Variants in FBXO42 observed in about 807,000 individuals in gnomAD.
FBXO42 encodes F-box only protein 42.
FBXO42 carries 12 observed loss-of-function variants against 71.7 expected under a neutral mutation model. The observed-to-expected ratio is 0.17, with a 90% CI of 0.11 to 0.27. The LOEUF is 0.27. Among genes scored for constraint, FBXO42 ranks in the 10% least tolerant of loss-of-function variants. The probability of loss-of-function intolerance (pLI) is 1.00; values close to 1 mark genes in which losing one functional copy is unlikely to be tolerated. For synonymous variants in FBXO42, 325 were observed against 327.5 expected (o/e 0.99, Z 0.08); for missense variants, 707 against 911.9 (o/e 0.78, Z 2.89).
rs2082712027 is a variant in FBXO42 at position 16,352,435 on chromosome 1, C to G, written c.-198G>C. The G allele has an allele frequency of 5.0e-6, 2 of 398,748 alleles. No homozygotes were observed. The highest frequency in any genetic ancestry group is 8.8e-6 in the Non-Finnish European group (2 of 226,542). 24.7% of individuals were successfully genotyped at this position (398,748 alleles called of 1,614,324 possible). A position where few individuals can be genotyped will look rare whatever the true frequency, so the allele number is the denominator to read the frequency against. ...GCCATCTTCCTCCACTCAAACGCCG[C>G]CGCCGCCGCAGCTGCTGCTGCTCAG... On this transcript the variant is annotated 5_prime_UTR_variant, in exon 1 of 10. Transcript: ENST00000375592.
intron 1 of FBXO42, among the ~76,000 whole-genome samples, chr1:16,317,891 C>G (rs2082382099): frequency 6.6e-6 from 1 of 151,542 alleles, no homozygotes; most frequent in South Asian, 2.1e-4. Flanking sequence ...TGGACTCCAG[C>G]CTGGGCAACC....
rs200383567 is a variant in FBXO42 at position 16,319,578 on chromosome 1, G to A, written c.-17-4143C>T. Reference sequence around the variant, plus strand: ...CAATTCCCTTCATTCCCCAAAAGCAGAGAAGAGTATTATAATGGGTTTCCT... The same window carrying A: ...CAATTCCCTTCATTCCCCAAAAGCAAAGAAGAGTATTATAATGGGTTTCCT... On this transcript the variant is annotated intron_variant, in intron 1 of 9. Transcript: ENST00000375592. Among the ~76,000 whole-genome samples, 5 of 152,138 alleles carry A rather than the reference G, an allele frequency of 3.3e-5. No homozygotes were observed. The East Asian group carries it at 9.6e-4, about 29-fold the overall frequency.
chr1:16,304,040 G>A (rs1443206476), intron 3 of FBXO42, among the ~76,000 whole-genome samples: 1 of 152,056 alleles, frequency 6.6e-6, no homozygotes, highest in African/African-American at 2.4e-5. Flanking sequence ...CCTGACCTCA[G>A]GTGATCCGCC....
At chr1:16,317,072 G>C (rs1443062432) in intron 1 of FBXO42, among the ~76,000 whole-genome samples, 1 of 152,112 alleles carries the variant, frequency 6.6e-6, no homozygotes, top group Non-Finnish European at 1.5e-5. Context: ...CCTGAGGTCA[G>C]GAGTTCAAAA....
intron 4 of FBXO42, among the ~76,000 whole-genome samples, chr1:16,263,060 A>G (rs953434731): frequency 6.6e-6 from 1 of 152,190 alleles, no homozygotes; most frequent in Non-Finnish European, 1.5e-5. Flanking sequence ...GAGTTCTGGA[A>G]AACAAACAAT....
chr1:16,253,839 T>A (rs1025276164), intron 6 of FBXO42, 108 bp from the exon 7 acceptor site: 1 of 908,108 alleles, frequency 1.1e-6, no homozygotes. Context: ...CTTGCACCAT[T>A]TTCACTTTCA....
chr1:16,323,214 T>C (rs548385449), intron 1 of FBXO42, among the ~76,000 whole-genome samples: 5 of 151,334 alleles, frequency 3.3e-5, no homozygotes, highest in South Asian at 2.1e-4. Context: ...GTCAGGAGTT[T>C]GAGACCAGCC....
At chr1:16,344,085 C>T (rs937688255) in intron 1 of FBXO42, among the ~76,000 whole-genome samples, 4 of 151,784 alleles carry the variant, frequency 2.6e-5, no homozygotes, top group African/African-American at 9.7e-5. Context: ...GCAACCTCCA[C>T]CTCCCAGGTT....
At chr1:16,342,907 A>C (rs968075887) in intron 1 of FBXO42, among the ~76,000 whole-genome samples, 1 of 151,996 alleles carries the variant, frequency 6.6e-6, no homozygotes, top group Admixed American at 6.6e-5. Flanking sequence ...GCCATCCCCA[A>C]CGTTTCCCCT....
chr1:16,320,661 A>AT (rs534488238), intron 1 of FBXO42, among the ~76,000 whole-genome samples: 29,347 of 144,518 alleles, frequency 0.2, 3,120 homozygotes, highest in Non-Finnish European at 0.25. Context: ...TGCCCAGCTA[A>AT]TTTTTTTTTT....
Position 16,261,716 on chromosome 1 carries a change from TG to T in FBXO42, c.503-4958del, listed in dbSNP as rs1195434070. Among the ~76,000 whole-genome samples the T allele has an allele frequency of 1.0e-3, 148 of 147,644 alleles. 1 individual carries two copies. The highest frequency in any genetic ancestry group is 3.5e-3 in the African/African-American group (138 of 39,756). On this transcript the variant is annotated intron_variant, in intron 4 of 9. Coordinates refer to ENST00000375592, the MANE Select transcript of FBXO42 (RefSeq NM_018994.3). The stretch of plus-strand genomic sequence containing the variant: ...TACAGGTATATCAATTTTTTTTTTT[TG>T]TTTTTGAGACGCGTCTCACTCTGTC...
intron 1 of FBXO42, among the ~76,000 whole-genome samples, chr1:16,336,658 G>A (rs2082556142): frequency 6.6e-6 from 1 of 151,728 alleles, no homozygotes; most frequent in African/African-American, 2.4e-5. Flanking sequence ...TCCCTAGCTG[G>A]GCCAAGGTTT....
rs768796073 is a variant in FBXO42, at chr1:16,251,097, G to A, written c.1727C>T (p.Ala576Val). 6.2e-7 allele frequency: 1 copy of A among 1,614,186 alleles called. No individual in the cohort carries two copies. The highest frequency in any genetic ancestry group is 8.5e-7 in the Non-Finnish European group (1 of 1,180,060). Residue 576 changes from alanine to valine, a missense_variant, in exon 10 of 10, where the codon GCA becomes GTA. Ala to Val is a moderately conservative substitution (Grantham distance 64). Transcript: ENST00000375592. This position sits in a 1 kb window ranked among gnomAD's most constrained non-coding sequence, Gnocchi z 4.5. ...MSSKGPSASAALSPPLGSSPG... is the reference protein window; with the variant it reads ...MSSKGPSASAVLSPPLGSSPG... ...AGAAGACCCAAGAGGAGGACTTAGT[G>A]CTGCAGAGGCCGAGGGGCCTTTGGA... is the stretch of plus-strand genomic sequence containing the variant.
At chr1:16,339,927 T>G (rs2100629939) in intron 1 of FBXO42, among the ~76,000 whole-genome samples, 1 of 152,268 alleles carries the variant, frequency 6.6e-6, no homozygotes, top group East Asian at 1.9e-4. Context: ...CGCTCCAGCC[T>G]GGGTGATAAA....
intron 4 of FBXO42, among the ~76,000 whole-genome samples, chr1:16,269,182 G>A (rs1277869559): frequency 6.7e-6 from 1 of 149,626 alleles, no homozygotes; most frequent in Admixed American, 6.6e-5. Context: ...TCAGCTCCTG[G>A]GTTCAAGCGA....
chr1:16,291,748 T>C (rs2082081531), intron 4 of FBXO42, among the ~76,000 whole-genome samples: 1 of 152,136 alleles, frequency 6.6e-6, no homozygotes, highest in South Asian at 2.1e-4. Flanking sequence ...CATCACTCAC[T>C]GTAGCCTTGA....
chr1:16,280,700 C>T (rs898085499), intron 4 of FBXO42, among the ~76,000 whole-genome samples: 11 of 151,970 alleles, frequency 7.2e-5, no homozygotes, highest in Middle Eastern at 6.8e-3. Flanking sequence ...ACCTGAACCC[C>T]GGAGGTCAAG....
chr1:16,298,636 A>G (rs957653072), intron 3 of FBXO42, among the ~76,000 whole-genome samples: 15 of 151,842 alleles, frequency 9.9e-5, no homozygotes, highest in African/African-American at 3.6e-4. Context: ...CAGCCTCCCA[A>G]GTAGCTGGAA....
chr1:16,259,732 C>T (rs1336666409), intron 4 of FBXO42, among the ~76,000 whole-genome samples: 1 of 145,858 alleles, frequency 6.9e-6, no homozygotes, highest in Non-Finnish European at 1.5e-5. Flanking sequence ...AGCCACTGCA[C>T]TCTGGCCTGA....
Sources: gnomAD v4.1 joint callset for allele counts (sites outside exome capture counted in the v4.1 genomes callset) on GRCh38, gnomAD v4.1.1 for gene constraint, Gnocchi (gnomAD v3.1) non-coding constraint, MANE v1.5 for transcripts, NCBI Gene and HGNC (gene_info 2026-07-23, HGNC 2026-07-21) for gene names.